Variants in NAALADL2 observed in about 807,000 individuals in gnomAD.
NAALADL2 encodes the protein N-acetylated alpha-linked acidic dipeptidase like 2.
NAALADL2 carries 76 observed loss-of-function variants against 87.2 expected under a neutral mutation model. The observed-to-expected ratio is 0.87, with a 90% CI of 0.72 to 1.05. NAALADL2 has a LOEUF of 1.05. Ranked by LOEUF, NAALADL2 falls within the 50% of genes least tolerant of loss-of-function variation. NAALADL2 has a pLI of 0.00. For synonymous variants in NAALADL2, 354 were observed against 331.0 expected (o/e 1.07, Z -0.75); for missense variants, 1,089 against 945.8 (o/e 1.15, Z -1.99).
intron 9 of NAALADL2, among the ~76,000 whole-genome samples, chr3:175,565,828 C>CA (rs796271399): frequency 5.9e-5 from 7 of 119,518 alleles, no homozygotes; most frequent in Admixed American, 5.5e-4. Context: ...AAGCCCCCCC[C>CA]CTTTTTTTTT....
chr3:174,570,839 T>C (rs1462259603), intron 2 of NAALADL2, among the ~76,000 whole-genome samples: 1 of 152,182 alleles, frequency 6.6e-6, no homozygotes, highest in Non-Finnish European at 1.5e-5. Flanking sequence ...TCAGAAATGT[T>C]AGGTGGTCCT....
rs183902624 is a variant in NAALADL2 at position 174,713,960 on chromosome 3, C to A, written c.-114-23681C>A. ...TCTAACATTTAAGTCTTTAATCCAT[C>A]TTGAATTAATTTTTATATAAGGTGT... is the stretch of plus-strand genomic sequence containing the variant. On this transcript the variant is annotated intron_variant, in intron 2 of 3. Coordinates refer to the NAALADL2 transcript ENST00000434257. Among the ~76,000 whole-genome samples the A allele has an allele frequency of 1.4e-3, 206 of 152,192 alleles. 1 individual carries two copies. The highest frequency in any genetic ancestry group is 6.8e-3 in the Middle Eastern group (2 of 294).
At chr3:174,808,449 T>A (rs1430790050) in intron 3 of NAALADL2, among the ~76,000 whole-genome samples, 2 of 152,128 alleles carry the variant, frequency 1.3e-5, no homozygotes, top group African/African-American at 4.8e-5. Context: ...ATTTAAAGAA[T>A]TTTAGAATAT....
intron 11 of NAALADL2, among the ~76,000 whole-genome samples, chr3:175,666,935 G>T (rs1042163767): frequency 1.3e-4 from 20 of 152,000 alleles, no homozygotes; most frequent in African/African-American, 4.6e-4. Context: ...ACTTCTTCCT[G>T]GGATAGACCT....
At chr3:174,734,127 A>G (rs921658131) in intron 2 of NAALADL2, among the ~76,000 whole-genome samples, 1 of 152,168 alleles carries the variant, frequency 6.6e-6, no homozygotes, top group African/African-American at 2.4e-5. Context: ...TACTAAAATT[A>G]TCATTAATTT....
chr3:174,958,134 C>CTT (rs34174348), intron 1 of NAALADL2, among the ~76,000 whole-genome samples: 6,019 of 147,474 alleles, frequency 0.041, 253 homozygotes, highest in African/African-American at 0.11. Context: ...AATATCCAGA[C>CTT]TTTTTTTTTT....
At chr3:175,800,221 GTGCTCCTTGGGCTAC>G (rs1560030350) in intron 13 of NAALADL2, among the ~76,000 whole-genome samples, 4 of 151,884 alleles carry the variant, frequency 2.6e-5, no homozygotes, top group African/African-American at 9.7e-5. Flanking sequence ...CCTCTTTTAC[GTGCTCCTTGGGCTAC>G]AGAGCTTCTA....
intron 1 of NAALADL2, among the ~76,000 whole-genome samples, chr3:174,496,385 G>T (rs1718536773): frequency 6.6e-6 from 1 of 151,726 alleles, no homozygotes; most frequent in Non-Finnish European, 1.5e-5. Flanking sequence ...CATAACTCTA[G>T]GGGTTCACTT....
intron 5 of NAALADL2, among the ~76,000 whole-genome samples, chr3:175,331,850 A>G (rs146246374): frequency 2.2e-4 from 34 of 152,328 alleles, no homozygotes; most frequent in African/African-American, 7.9e-4. Context: ...CATAGCTAAT[A>G]AAACTCAAAA....
At chr3:175,089,905 A>C (rs906850301) in intron 1 of NAALADL2, among the ~76,000 whole-genome samples, 1 of 152,142 alleles carries the variant, frequency 6.6e-6, no homozygotes, top group Non-Finnish European at 1.5e-5. Flanking sequence ...AACTACATTA[A>C]AACTCTATTA....
At chr3:174,667,823 G>C (rs1315510858) in intron 2 of NAALADL2, among the ~76,000 whole-genome samples, 1 of 151,794 alleles carries the variant, frequency 6.6e-6, no homozygotes, top group East Asian at 1.9e-4. Context: ...GGAGGAATTG[G>C]AAAAAAGAAG....
chr3:175,095,553 G>A (rs1721000614), intron 1 of NAALADL2, among the ~76,000 whole-genome samples: 1 of 151,884 alleles, frequency 6.6e-6, no homozygotes, highest in Non-Finnish European at 1.5e-5. Flanking sequence ...AGTTATATTT[G>A]AATTTTCTTA....
intron 11 of NAALADL2, among the ~76,000 whole-genome samples, chr3:175,716,456 A>T (rs1741311219): frequency 6.6e-6 from 1 of 151,754 alleles, no homozygotes; most frequent in Non-Finnish European, 1.5e-5. Flanking sequence ...GGGGAAGTCG[A>T]GAGAAATTCT....
intron 1 of NAALADL2, among the ~76,000 whole-genome samples, chr3:174,451,721 C>G (rs1444551785): frequency 6.6e-6 from 1 of 151,972 alleles, no homozygotes; most frequent in African/African-American, 2.4e-5. Context: ...AAAAAGAATC[C>G]TTTACTCATT....
At chr3:174,528,065 A>G (rs1720925125) in intron 1 of NAALADL2, among the ~76,000 whole-genome samples, 1 of 152,198 alleles carries the variant, frequency 6.6e-6, no homozygotes, top group Non-Finnish European at 1.5e-5. Flanking sequence ...CCGTGTGGCC[A>G]GAAAAGCCAA....
chr3:174,928,427 A>G (rs1430003603), intron 1 of NAALADL2, among the ~76,000 whole-genome samples: 1 of 152,126 alleles, frequency 6.6e-6, no homozygotes, highest in African/African-American at 2.4e-5. Context: ...TTTTTAGTAG[A>G]GACGGGATTT....
chr3:175,055,831 G>C (rs907581102), intron 1 of NAALADL2, among the ~76,000 whole-genome samples: 34 of 152,122 alleles, frequency 2.2e-4, no homozygotes, highest in African/African-American at 7.7e-4. Context: ...TCCACTCTCA[G>C]TCCTGCCATT....
At chr3:175,634,266 A>T (rs527242157) in intron 11 of NAALADL2, among the ~76,000 whole-genome samples, 1 of 152,040 alleles carries the variant, frequency 6.6e-6, no homozygotes, top group South Asian at 2.1e-4. Flanking sequence ...TAATAGATTT[A>T]TATTTGCTAA....
At chr3:175,534,523 A>G (rs1457129997) in intron 9 of NAALADL2, among the ~76,000 whole-genome samples, 1 of 152,148 alleles carries the variant, frequency 6.6e-6, no homozygotes, top group African/African-American at 2.4e-5. Context: ...GATGCTGGTG[A>G]CGTAAAATAA....
Sources: allele counts gnomAD v4.1 joint callset (sites outside exome capture counted in the v4.1 genomes callset), GRCh38; gene constraint gnomAD v4.1.1; transcripts MANE v1.5; gene names NCBI Gene and HGNC (gene_info 2026-07-23, HGNC 2026-07-21).